Variants in TESK2 observed in about 807,000 individuals in gnomAD.
TESK2 encodes the protein testis associated actin remodelling kinase 2.
TESK2 carries 39 observed loss-of-function variants against 57.1 expected under a neutral mutation model. That is an observed-to-expected ratio of 0.68 (90% CI 0.53 to 0.89). The LOEUF is 0.89. TESK2 is among the 40% of genes least tolerant of loss of function. TESK2 has a pLI of 0.00. For missense variants in TESK2, 646 were observed against 732.1 expected (o/e 0.88, Z 1.36); for synonymous variants, 249 against 267.9 (o/e 0.93, Z 0.69).
At chr1:45,400,246 C>T (rs886557253) in intron 3 of TESK2, among the ~76,000 whole-genome samples, 8 of 151,986 alleles carry the variant, frequency 5.3e-5, no homozygotes, top group African/African-American at 9.7e-5. Context: ...GGTTTGAAGA[C>T]GGAAGGGGTC....
intron 3 of TESK2, among the ~76,000 whole-genome samples, chr1:45,413,296 T>G (rs1650107306): frequency 6.6e-6 from 1 of 152,118 alleles, no homozygotes; most frequent in Admixed American, 6.6e-5. Flanking sequence ...GTACTACCTC[T>G]ATGACTTACC....
intron 2 of TESK2, among the ~76,000 whole-genome samples, chr1:45,448,237 CAA>C (rs762537140): frequency 7.1e-5 from 6 of 84,358 alleles, no homozygotes; most frequent in Non-Finnish European, 1.4e-4. Context: ...GACCCTGTCT[CAA>C]AAAAAAAAAA....
At chr1:45,454,196 T>C (rs1465012707) in intron 2 of TESK2, among the ~76,000 whole-genome samples, 2 of 152,040 alleles carry the variant, frequency 1.3e-5, no homozygotes, top group African/African-American at 2.4e-5. Context: ...TTACATAAGA[T>C]ATCTAGGGTA....
Position 45,355,446 on chromosome 1 carries a change from T to A in TESK2, c.397A>T (p.Ile133Phe). 1 of 1,606,110 alleles carries A rather than the reference T, an allele frequency of 6.2e-7. No individual in the cohort carries two copies. The highest frequency in any genetic ancestry group is 8.5e-7 in the Non-Finnish European group (1 of 1,177,352). Residue 133 changes from isoleucine to phenylalanine, a missense_variant, in exon 5 of 11, where the codon ATC (isoleucine) becomes TTC (phenylalanine). Physicochemically the swap from Ile to Phe is conservative, Grantham distance 21. Transcript: ENST00000372086. ...AACTGTTCCAGGTTCCCGGAGTTGA[T>A]ATACTGCAAAACAGAAGGAAAACCC... ...QGQLHALTEY[I>F]NSGNLEQLLD...
chr1:45,452,283 G>A (rs1557579346), intron 2 of TESK2, among the ~76,000 whole-genome samples: 1 of 152,066 alleles, frequency 6.6e-6, no homozygotes, highest in Non-Finnish European at 1.5e-5. Context: ...TTAAATGTAT[G>A]CAAATACATT....
chr1:45,393,796 AC>A (rs1253699185), intron 3 of TESK2, among the ~76,000 whole-genome samples: 2 of 152,140 alleles, frequency 1.3e-5, no homozygotes, highest in African/African-American at 4.8e-5. Context: ...TTGTAAAAAA[AC>A]AATATACTAT....
At chr1:45,448,174 G>C (rs1323076350) in intron 2 of TESK2, among the ~76,000 whole-genome samples, 2 of 143,834 alleles carry the variant, frequency 1.4e-5, no homozygotes, top group East Asian at 4.0e-4. Context: ...GTAATTCAAG[G>C]CTTCTGTGAG....
In TESK2 at chr1:45,394,854, A is replaced by C. The variant is rs565336672; in HGVS notation, c.345-8894T>G. ...TAGAGGCGGCCACCACACCTGGCTA[A>C]TTTTTGTATTTTTAGTAGAGACGGG... On this transcript the variant is annotated intron_variant, in intron 3 of 10. Transcript: ENST00000372086. 3.8e-4 allele frequency among the ~76,000 whole-genome samples: 57 copies of C among 151,290 alleles called. 1 individual carries two copies. The highest frequency in any genetic ancestry group is 6.8e-3 in the Middle Eastern group (2 of 294).
intron 3 of TESK2, among the ~76,000 whole-genome samples, chr1:45,402,469 T>C (rs531783092): frequency 1.3e-5 from 2 of 150,662 alleles, no homozygotes; most frequent in African/African-American, 4.9e-5. Flanking sequence ...CCTAAATAAA[T>C]TGGTGTACTA....
At chr1:45,474,580 C>T (rs1323800523) in intron 1 of TESK2, among the ~76,000 whole-genome samples, 1 of 152,062 alleles carries the variant, frequency 6.6e-6, no homozygotes, top group South Asian at 2.1e-4. Context: ...TCGAGCGATT[C>T]TCCTGCCTCA....
chr1:45,361,700 C>T (rs927618125), intron 4 of TESK2, among the ~76,000 whole-genome samples: 8 of 152,200 alleles, frequency 5.3e-5, no homozygotes, highest in African/African-American at 1.9e-4. Flanking sequence ...TGCAAGAAAT[C>T]ATATGCCAAC....
intron 2 of TESK2, among the ~76,000 whole-genome samples, chr1:45,454,490 GCTGGTCTCAAACTC>G (rs1248556338): frequency 1.3e-5 from 2 of 151,084 alleles, no homozygotes; most frequent in South Asian, 4.2e-4. Flanking sequence ...TGTTGCCCAG[GCTGGTCTCAAACTC>G]CTGGGCTCAG....
intron 6 of TESK2, 39 bp downstream of exon 6, chr1:45,347,879 C>T: frequency 6.4e-7 from 1 of 1,553,102 alleles, no homozygotes; most frequent in South Asian, 1.1e-5. Flanking sequence ...GCTTCAGCCC[C>T]CTGTCCCTTG....
At chr1:45,395,810 CTA>C (rs1649333485) in intron 3 of TESK2, among the ~76,000 whole-genome samples, 1 of 151,970 alleles carries the variant, frequency 6.6e-6, no homozygotes, top group African/African-American at 2.4e-5. Context: ...CAAGCTTTAA[CTA>C]TGTTTTATCA....
chr1:45,465,404 C>T (rs1260552227), intron 1 of TESK2, among the ~76,000 whole-genome samples: 1 of 120,136 alleles, frequency 8.3e-6, no homozygotes, highest in East Asian at 2.3e-4. Context: ...GAGTGAGACT[C>T]CAAAAAAGAA....
chr1:45,454,761 C>T (rs767627779), intron 2 of TESK2, among the ~76,000 whole-genome samples: 40 of 152,192 alleles, frequency 2.6e-4, no homozygotes, highest in Admixed American at 5.9e-4. Flanking sequence ...GTGGAAACAG[C>T]CCCACCATCG....
intron 4 of TESK2, among the ~76,000 whole-genome samples, chr1:45,370,649 AG>A (rs1648139792): frequency 1.3e-5 from 2 of 152,176 alleles, no homozygotes; most frequent in Admixed American, 1.3e-4. Flanking sequence ...TGGTTGGGCC[AG>A]GGGGGATGAA....
intron 1 of TESK2, among the ~76,000 whole-genome samples, chr1:45,475,700 T>A (rs182353722): frequency 3.2e-4 from 49 of 152,242 alleles, no homozygotes; most frequent in Admixed American, 3.2e-3. Flanking sequence ...GAGATTAACA[T>A]TTGAGTCAGT....
intron 3 of TESK2, among the ~76,000 whole-genome samples, chr1:45,396,532 A>C (rs1649366212): frequency 6.6e-6 from 1 of 151,792 alleles, no homozygotes; most frequent in Admixed American, 6.6e-5. Context: ...TCTGTTGCCC[A>C]CGCTGGAGTG....
Sources: allele counts gnomAD v4.1 joint callset (sites outside exome capture counted in the v4.1 genomes callset), GRCh38; gene constraint gnomAD v4.1.1; transcripts MANE v1.5; gene names NCBI Gene and HGNC (gene_info 2026-07-23, HGNC 2026-07-21).